The following LRRC4C variants were observed in gnomAD, a reference collection of about 807,000 sequenced individuals.
LRRC4C encodes leucine-rich repeat-containing protein 4C.
A neutral mutation model predicts 33.6 loss-of-function variants in LRRC4C; 5 were observed. The ratio of observed to expected loss-of-function variants is 0.15; its 90% confidence interval spans 0.08 to 0.31. LRRC4C has a LOEUF of 0.31. LRRC4C is among the 10% of genes least tolerant of loss of function. The pLI is 1.00. For synonymous variants in LRRC4C, 329 were observed against 302.0 expected (o/e 1.09, Z -0.93); for missense variants, 560 against 796.7 (o/e 0.70, Z 3.58).
intron 4 of LRRC4C, among the ~76,000 whole-genome samples, chr11:40,269,406 A>G (rs931504274): frequency 6.6e-6 from 1 of 152,210 alleles, no homozygotes; most frequent in Non-Finnish European, 1.5e-5. Flanking sequence ...CCCCACTTAG[A>G]GTAACCATTA....
intron 6 of LRRC4C, among the ~76,000 whole-genome samples, chr11:40,124,112 T>C (rs1252389956): frequency 1.3e-5 from 2 of 152,096 alleles, no homozygotes; most frequent in Non-Finnish European, 2.9e-5. Context: ...TAAATAGACA[T>C]TGTAATGAGA....
intron 3 of LRRC4C, among the ~76,000 whole-genome samples, chr11:40,631,361 G>A (rs927175243): frequency 4.6e-5 from 7 of 152,218 alleles, no homozygotes; most frequent in African/African-American, 1.7e-4. Context: ...AGGATAGGGT[G>A]AGGGTGGTGC....
chr11:40,620,693 G>A (rs747423651), intron 3 of LRRC4C, among the ~76,000 whole-genome samples: 9 of 151,788 alleles, frequency 5.9e-5, no homozygotes, highest in Non-Finnish European at 1.3e-4. Context: ...GCTACTTATT[G>A]TGTGTGCGGT....
intron 1 of LRRC4C, among the ~76,000 whole-genome samples, chr11:41,371,890 C>T (rs1952760517): frequency 6.6e-6 from 1 of 152,214 alleles, no homozygotes; most frequent in Non-Finnish European, 1.5e-5. Flanking sequence ...GATCCCAGCA[C>T]TCTGGGAGGC....
intron 3 of LRRC4C, among the ~76,000 whole-genome samples, chr11:40,456,056 T>C (rs1326749545): frequency 6.6e-6 from 1 of 152,100 alleles, no homozygotes; most frequent in Non-Finnish European, 1.5e-5. Context: ...TCTACTGGCA[T>C]ATGACTTCCT....
At chr11:40,961,073 G>A (rs1207441252) in intron 1 of LRRC4C, among the ~76,000 whole-genome samples, 1 of 151,672 alleles carries the variant, frequency 6.6e-6, no homozygotes, top group African/African-American at 2.4e-5. Context: ...TTTTCACAAG[G>A]CCATCCTCTG....
intron 3 of LRRC4C, among the ~76,000 whole-genome samples, chr11:40,361,698 G>A (rs914613800): frequency 1.3e-5 from 2 of 152,134 alleles, no homozygotes; most frequent in African/African-American, 2.4e-5. Context: ...TAGCATCAAT[G>A]CTATTAAACT....
At chr11:40,845,611 TG>T (rs2135693203) in intron 2 of LRRC4C, among the ~76,000 whole-genome samples, 1 of 152,306 alleles carries the variant, frequency 6.6e-6, no homozygotes, top group East Asian at 1.9e-4. Flanking sequence ...TCCAAGTCTT[TG>T]CTGTTGTAAA....
At chr11:40,233,738 G>T (rs1254305483) in intron 5 of LRRC4C, among the ~76,000 whole-genome samples, 2 of 152,058 alleles carry the variant, frequency 1.3e-5, no homozygotes, top group African/African-American at 4.8e-5. Context: ...TTTTAAATAA[G>T]CAAGAGTTTT....
At chr11:41,288,230 T>G (rs919221534) in intron 1 of LRRC4C, among the ~76,000 whole-genome samples, 4 of 152,242 alleles carry the variant, frequency 2.6e-5, no homozygotes, top group African/African-American at 7.2e-5. Context: ...AAAGAGCCAC[T>G]TAGGCTTGAC....
At chr11:41,037,030 A>T (rs1857120240) in intron 1 of LRRC4C, among the ~76,000 whole-genome samples, 1 of 152,172 alleles carries the variant, frequency 6.6e-6, no homozygotes, top group Admixed American at 6.5e-5. Flanking sequence ...CCAATTAAAC[A>T]ATGCCTAGTT....
At chr11:40,354,743 C>G (rs949124644) in intron 3 of LRRC4C, among the ~76,000 whole-genome samples, 4 of 152,086 alleles carry the variant, frequency 2.6e-5, no homozygotes, top group African/African-American at 9.7e-5. Context: ...GTCGGCTTCC[C>G]TGTGGCCCCG....
In LRRC4C at chr11:40,804,015, T is replaced by C. The variant is rs1951148835; in HGVS notation, c.-407+129620A>G. Among the ~76,000 whole-genome samples, 4 of 152,342 alleles carry C rather than the reference T, an allele frequency of 2.6e-5. No homozygotes were observed. The South Asian group carries it at 8.3e-4, about 32-fold the overall frequency. On this transcript the variant is annotated intron_variant, in intron 2 of 6. Transcript: ENST00000528697. Reference sequence around the variant, plus strand: ...ACTATCAAATACTTGGTCTTATTCATTCTTACTGCTGCCTAAAAATCAAAT... The same window carrying C: ...ACTATCAAATACTTGGTCTTATTCACTCTTACTGCTGCCTAAAAATCAAAT...
chr11:41,421,174 A>G (rs1954860941), intron 1 of LRRC4C, among the ~76,000 whole-genome samples: 1 of 152,050 alleles, frequency 6.6e-6, no homozygotes, highest in Admixed American at 6.6e-5. Flanking sequence ...TTAATGATTC[A>G]CAGTAAGCAT....
At chr11:41,011,839 A>ATATTATATTATATTATATT (rs1855215112) in intron 1 of LRRC4C, among the ~76,000 whole-genome samples, 1 of 147,202 alleles carries the variant, frequency 6.8e-6, no homozygotes, top group African/African-American at 2.5e-5. Context: ...ATATTATATT[A>ATATTATATTATATTATATT]TATTATATTA....
At chr11:40,815,879 A>G (rs894144394) in intron 2 of LRRC4C, among the ~76,000 whole-genome samples, 4 of 152,170 alleles carry the variant, frequency 2.6e-5, no homozygotes, top group African/African-American at 9.7e-5. Context: ...AATGACCTAC[A>G]TTTTTCCTCC....
chr11:40,242,363 G>C (rs1051135657), intron 4 of LRRC4C, among the ~76,000 whole-genome samples: 1 of 152,050 alleles, frequency 6.6e-6, no homozygotes, highest in African/African-American at 2.4e-5. Flanking sequence ...CTTTGAAATG[G>C]CTTTTGTTTA....
At chr11:40,541,276 G>C (rs559757703) in intron 3 of LRRC4C, among the ~76,000 whole-genome samples, 24 of 152,010 alleles carry the variant, frequency 1.6e-4, no homozygotes, top group African/African-American at 4.8e-4. Flanking sequence ...CAAACTCCTG[G>C]GCTCAAGTGA....
At chr11:41,022,407 C>T (rs1486339190) in intron 1 of LRRC4C, among the ~76,000 whole-genome samples, 1 of 151,734 alleles carries the variant, frequency 6.6e-6, no homozygotes, top group African/African-American at 2.4e-5. Context: ...TTAGGGTAAG[C>T]AAGGAGATTT....
Sources: gnomAD v4.1 joint callset for allele counts (sites outside exome capture counted in the v4.1 genomes callset) on GRCh38, gnomAD v4.1.1 for gene constraint, MANE v1.5 for transcripts, NCBI Gene and HGNC (gene_info 2026-07-23, HGNC 2026-07-21) for gene names.